Variants in IGSF3 observed in about 807,000 individuals in gnomAD.
The protein encoded by IGSF3 is immunoglobulin superfamily member 3.
Under a neutral mutation model 114.4 loss-of-function variants are expected in IGSF3, and 23 were observed. The observed-to-expected ratio is 0.20, with a 90% CI of 0.14 to 0.28. The LOEUF (loss-of-function observed/expected upper bound fraction) is 0.28, where lower values mean the gene tolerates loss of function less well. Ranked by LOEUF, IGSF3 falls within the 10% of genes least tolerant of loss-of-function variation. The pLI is 1.00. For missense variants in IGSF3, 1,172 were observed against 1,591.5 expected, an observed-to-expected ratio of 0.74 and a Z score of 4.48; for synonymous variants, 571 against 645.2, an observed-to-expected ratio of 0.88 and a Z score of 1.74.
intron 6 of IGSF3, among the ~76,000 whole-genome samples, chr1:116,602,264 A>G (rs2101440335): frequency 6.6e-6 from 1 of 152,260 alleles, no homozygotes; most frequent in South Asian, 2.1e-4. Context: ...GAGTAAGAAA[A>G]AACTCAGGGG....
At chr1:116,578,655 T>C (rs1299642394) in intron 10 of IGSF3, among the ~76,000 whole-genome samples, 4 of 151,502 alleles carry the variant, frequency 2.6e-5, no homozygotes, top group Admixed American at 6.6e-5. Flanking sequence ...CCAGCAATCT[T>C]TTTTTTCTTT....
chr1:116,647,450 GTGGCAACCCC>G lies in IGSF3; in HGVS notation c.43+18824_43+18833del, dbSNP rs1257072936. On this transcript the variant is annotated intron_variant, in intron 2 of 10. Coordinates refer to ENST00000369486, the MANE Select transcript of IGSF3 (RefSeq NM_001007237.3). This position sits in a 1 kb window ranked among gnomAD's most constrained non-coding sequence, Gnocchi z 4.6. ...GTCTACAGCCAATCAGCTGACCGGGGTGGCAACCCCTGGCTCTGCTCAACAATAATGACAA... is the reference window on the plus strand; with the variant it reads ...GTCTACAGCCAATCAGCTGACCGGGGTGGCTCTGCTCAACAATAATGACAA... Among the ~76,000 whole-genome samples, 2 of 152,228 alleles carry G rather than the reference GTGGCAACCCC, an allele frequency of 1.3e-5. No homozygotes were observed. The highest frequency in any genetic ancestry group is 1.3e-4 in the Admixed American group (2 of 15,290).
intron 7 of IGSF3, among the ~76,000 whole-genome samples, chr1:116,591,964 T>C (rs532140295): frequency 2.0e-5 from 3 of 152,340 alleles, no homozygotes; most frequent in Non-Finnish European, 4.4e-5. Flanking sequence ...ACCTGGGATA[T>C]AACAAACACC....
Position 116,600,799 on chromosome 1 carries a change from T to G in IGSF3, c.1625-454A>C, listed in dbSNP as rs1174358452. On this transcript the variant is annotated intron_variant, in intron 6 of 10. Coordinates refer to ENST00000369486, the MANE Select transcript of IGSF3 (RefSeq NM_001007237.3). This position sits in a 1 kb window ranked among gnomAD's most constrained non-coding sequence, Gnocchi z 5.5. ...CACTTTTCCTGGTCCCTTAGCGCACTGGTGCCGAGAAGGGAAGCAGATGGA... is the reference window on the plus strand; with the variant it reads ...CACTTTTCCTGGTCCCTTAGCGCACGGGTGCCGAGAAGGGAAGCAGATGGA... 6.6e-6 allele frequency among the ~76,000 whole-genome samples: 1 copy of G among 152,140 alleles called. No homozygotes were observed. Among genetic ancestry groups the G allele is most frequent in the Non-Finnish European group, 1.5e-5 (1 of 68,012 alleles).
chr1:116,666,574 C>T lies in IGSF3; in HGVS notation c.-248G>A. 1 of 599,638 alleles carries T rather than the reference C, an allele frequency of 1.7e-6. No individual in the cohort carries two copies. The highest frequency in any genetic ancestry group is 3.0e-6 in the Non-Finnish European group (1 of 337,660). The allele number at this position is 599,638 out of a possible 1,614,324, so 37.1% of individuals were successfully genotyped here. ...TCCACAACAATTCGGAAGTCGCTCC[C>T]GGCTCCTGCCACATCGTGTGCCTTG... On this transcript the variant is annotated 5_prime_UTR_variant, in exon 2 of 11. Transcript: ENST00000369486.
intron 2 of IGSF3, among the ~76,000 whole-genome samples, chr1:116,640,738 A>G (rs535602375): frequency 8.5e-5 from 13 of 152,304 alleles, no homozygotes; most frequent in South Asian, 2.1e-4. Context: ...TTATTGCAAT[A>G]AATATTCTTG....
chr1:116,605,905 T>C lies in IGSF3; in HGVS notation c.1223-1880A>G, dbSNP rs1402371599. On this transcript the variant is annotated intron_variant, in intron 5 of 10. Transcript: ENST00000369486. This position sits in a 1 kb window ranked among gnomAD's most constrained non-coding sequence, Gnocchi z 5.1. The stretch of plus-strand genomic sequence containing the variant: ...CTTATCCAAGTCCTGGCTCATTTAT[T>C]GAAAGGGCTACTGTTTGGTGGTGTC... Among the ~76,000 whole-genome samples the C allele has an allele frequency of 6.6e-6, 1 of 152,212 alleles. No homozygotes were observed. Among genetic ancestry groups the C allele is most frequent in the African/African-American group, 2.4e-5 (1 of 41,442 alleles).
intron 2 of IGSF3, among the ~76,000 whole-genome samples, chr1:116,663,750 T>G (rs1018562468): frequency 2.6e-5 from 4 of 152,136 alleles, no homozygotes; most frequent in Admixed American, 6.5e-5. Flanking sequence ...AGATTTACCC[T>G]GTATACCCCT....
intron 2 of IGSF3, among the ~76,000 whole-genome samples, chr1:116,660,567 C>A (rs1339700289): frequency 6.7e-6 from 1 of 150,166 alleles, no homozygotes; most frequent in Non-Finnish European, 1.5e-5. Flanking sequence ...TCATGGCAAC[C>A]TCCAGGTTCA....
chr1:116,659,904 G>A (rs1302689846), intron 2 of IGSF3, among the ~76,000 whole-genome samples: 1 of 152,130 alleles, frequency 6.6e-6, no homozygotes, highest in Non-Finnish European at 1.5e-5. Flanking sequence ...ATCGGCATGA[G>A]CCACCATGCC....
chr1:116,579,008 T>G lies in IGSF3; in HGVS notation c.3334+384A>C, dbSNP rs1273974394. Among the ~76,000 whole-genome samples the G allele has an allele frequency of 6.6e-6, 1 of 152,190 alleles. No homozygotes were observed. Among genetic ancestry groups the G allele is most frequent in the Non-Finnish European group, 1.5e-5 (1 of 68,042 alleles). ...TGACAGTGAGGTAGTCAGCCTTCAT[T>G]TTTTTCCCTTTCCCTTGTGAGTCTG... On this transcript the variant is annotated intron_variant, in intron 10 of 10. Coordinates refer to ENST00000369486, the MANE Select transcript of IGSF3 (RefSeq NM_001007237.3). The surrounding 1 kb of genome is among the most constrained non-coding windows in gnomAD (Gnocchi z 6.4).
chr1:116,607,867 C>G lies in IGSF3; in HGVS notation c.1222+75G>C. On this transcript the variant is annotated intron_variant, in intron 5 of 10. Transcript: ENST00000369486. The surrounding 1 kb of genome is among the most constrained non-coding windows in gnomAD (Gnocchi z 6.1). ...TCTGCCTCCCCTCACCTTCACCACG[C>G]TATTCTCTCTCCCCCTACCTCTCCT... 4 of 1,436,336 alleles carry G rather than the reference C, an allele frequency of 2.8e-6. No individual in the cohort carries two copies. The highest frequency in any genetic ancestry group is 2.9e-6 in the Non-Finnish European group (3 of 1,037,490). 89.0% of individuals were successfully genotyped at this position (1,436,336 alleles called of 1,614,324 possible). A position where few individuals can be genotyped will look rare whatever the true frequency, so the allele number is the denominator to read the frequency against.
Position 116,577,234 on chromosome 1 carries a change from T to G in IGSF3, c.*78A>C. 1 of 1,508,840 alleles carries G rather than the reference T, an allele frequency of 6.6e-7. No individual in the cohort carries two copies. 93.5% of individuals were successfully genotyped at this position (1,508,840 alleles called of 1,614,324 possible). A position where few individuals can be genotyped will look rare whatever the true frequency, so the allele number is the denominator to read the frequency against. On this transcript the variant is annotated 3_prime_UTR_variant, in exon 11 of 11. Coordinates refer to ENST00000369486, the MANE Select transcript of IGSF3 (RefSeq NM_001007237.3). The surrounding 1 kb of genome is among the most constrained non-coding windows in gnomAD (Gnocchi z 5.7). Reference sequence around the variant, plus strand: ...ACACACATGCACCCCAGAGTTTGGGTGCTGTCAACTGTCCAATCACAGAGA... The same window carrying G: ...ACACACATGCACCCCAGAGTTTGGGGGCTGTCAACTGTCCAATCACAGAGA...
Position 116,649,140 on chromosome 1 carries a change from GT to G in IGSF3, c.43+17143del, listed in dbSNP as rs1314964034. On this transcript the variant is annotated intron_variant, in intron 2 of 10. Transcript: ENST00000369486. This position sits in a 1 kb window ranked among gnomAD's most constrained non-coding sequence, Gnocchi z 4.5. ...AGGATTTCCCAGCTGAGCAAGAACCGTCAAAGTCTGGTCCTGGAAGGACAGC... is the reference window on the plus strand; with the variant it reads ...AGGATTTCCCAGCTGAGCAAGAACCGCAAAGTCTGGTCCTGGAAGGACAGC... Among the ~76,000 whole-genome samples the G allele has an allele frequency of 1.2e-4, 18 of 152,224 alleles. No individual in the cohort carries two copies. Among genetic ancestry groups the G allele is most frequent in the Non-Finnish European group, 2.4e-4 (16 of 68,038 alleles).
intron 2 of IGSF3, among the ~76,000 whole-genome samples, chr1:116,658,537 A>G (rs997998122): frequency 4.6e-5 from 7 of 152,000 alleles, no homozygotes; most frequent in Non-Finnish European, 8.8e-5. Flanking sequence ...CCCAGTCCTC[A>G]TGGCAACTGA....
chr1:116,646,803 C>G (rs1648396763), intron 2 of IGSF3: 1 of 152,336 alleles, frequency 6.6e-6, no homozygotes, highest in Admixed American at 6.5e-5. Context: ...TCAAGTGATG[C>G]TAACTTGCTA....
In IGSF3 at chr1:116,633,482, CTG is replaced by C. The variant is rs1426843376; in HGVS notation, c.44-17027_44-17026del. Among the ~76,000 whole-genome samples the C allele has an allele frequency of 6.6e-6, 1 of 152,172 alleles. No individual in the cohort carries two copies. Among genetic ancestry groups the C allele is most frequent in the African/African-American group, 2.4e-5 (1 of 41,430 alleles). On this transcript the variant is annotated intron_variant, in intron 2 of 10. Coordinates refer to ENST00000369486, the MANE Select transcript of IGSF3 (RefSeq NM_001007237.3). The surrounding 1 kb of genome is among the most constrained non-coding windows in gnomAD (Gnocchi z 4.3). Reference sequence around the variant, plus strand: ...TTAAAATCCCCTTTCAGCTCCAAGACTGTGTAATTCTGTGATACCAGTATTGA... The same window carrying C: ...TTAAAATCCCCTTTCAGCTCCAAGACTGTAATTCTGTGATACCAGTATTGA...
rs1016080163 is a variant in IGSF3 at position 116,584,240 on chromosome 1, C to A, written c.2848+405G>T. Among the ~76,000 whole-genome samples the A allele has an allele frequency of 1.3e-5, 2 of 151,950 alleles. No individual in the cohort carries two copies. The highest frequency in any genetic ancestry group is 2.4e-5 in the African/African-American group (1 of 41,344). ...GAAGTGACAGAGTGAAGGCTGCACA[C>A]AATTCATTGTTTTCTATTTAAAGCA... is the stretch of plus-strand genomic sequence containing the variant. On this transcript the variant is annotated intron_variant, in intron 9 of 10. Coordinates refer to ENST00000369486, the MANE Select transcript of IGSF3 (RefSeq NM_001007237.3). This position sits in a 1 kb window ranked among gnomAD's most constrained non-coding sequence, Gnocchi z 5.8.
At chr1:116,659,744 C>T (rs1020624785) in intron 2 of IGSF3, among the ~76,000 whole-genome samples, 4 of 152,146 alleles carry the variant, frequency 2.6e-5, no homozygotes, top group African/African-American at 7.2e-5. Context: ...ACTTCTGAAG[C>T]AGCTGAGACT....
Sources: allele counts gnomAD v4.1 joint callset (sites outside exome capture counted in the v4.1 genomes callset), GRCh38; gene constraint gnomAD v4.1.1; non-coding constraint Gnocchi (gnomAD v3.1); transcripts MANE v1.5; gene names NCBI Gene and HGNC (gene_info 2026-07-23, HGNC 2026-07-21).